Variants in PSEN1 observed in about 807,000 individuals in gnomAD.
The protein encoded by PSEN1 is presenilin-1.
A neutral mutation model predicts 53.5 loss-of-function variants in PSEN1; 15 were observed. The observed-to-expected ratio is 0.28, with a 90% confidence interval of 0.19 to 0.43. The LOEUF (loss-of-function observed/expected upper bound fraction) is 0.43, where lower values mean the gene tolerates loss of function less well. Ranked by LOEUF, PSEN1 falls within the 20% of genes least tolerant of loss-of-function variation. The pLI is 1.00. For synonymous variants in PSEN1, 208 were observed against 209.8 expected (o/e 0.99, Z 0.08); for missense variants, 387 against 571.2 (o/e 0.68, Z 3.29).
intron 1 of PSEN1, among the ~76,000 whole-genome samples, chr14:73,146,296 C>T (rs554921039): frequency 1.3e-5 from 2 of 151,862 alleles, no homozygotes; most frequent in East Asian, 3.9e-4. Context: ...CAAGCCATCC[C>T]CCCACCTCAG....
chr14:73,141,310 G>C (rs1896918305), intron 1 of PSEN1, among the ~76,000 whole-genome samples: 1 of 150,808 alleles, frequency 6.6e-6, no homozygotes, highest in Non-Finnish European at 1.5e-5. Context: ...GAGTGGGATG[G>C]AAGGAGAAAA....
intron 3 of PSEN1, among the ~76,000 whole-genome samples, chr14:73,159,298 C>T (rs1449905385): frequency 6.6e-6 from 1 of 151,990 alleles, no homozygotes; most frequent in South Asian, 2.1e-4. Flanking sequence ...TCTTCTGCCT[C>T]ATTCTTCCAA....
At chr14:73,189,486 C>T (rs778850133) in intron 6 of PSEN1, among the ~76,000 whole-genome samples, 3 of 152,046 alleles carry the variant, frequency 2.0e-5, no homozygotes, top group Admixed American at 6.5e-5. Context: ...GTGGTGGGTG[C>T]CTGTAATTCC....
chr14:73,148,522 T>C (rs943473183), intron 3 of PSEN1, among the ~76,000 whole-genome samples: 1 of 152,168 alleles, frequency 6.6e-6, no homozygotes, highest in Non-Finnish European at 1.5e-5. Flanking sequence ...GTTCTAAGGG[T>C]TCAAAGGAGG....
At chr14:73,138,544 A>T (rs186116398) in intron 1 of PSEN1, among the ~76,000 whole-genome samples, 103 of 151,496 alleles carry the variant, frequency 6.8e-4, no homozygotes, top group Middle Eastern at 6.8e-3. Flanking sequence ...TAGAGATGGG[A>T]GCCTCACTAT....
chr14:73,217,389 TTAG>T (rs1181409668), intron 11 of PSEN1, 145 bp downstream of exon 11: 27 of 875,220 alleles, frequency 3.1e-5, no homozygotes, highest in Non-Finnish European at 4.8e-5. Flanking sequence ...GGACCTCACC[TTAG>T]TAGTTCTCTA....
At chr14:73,215,863 T>C (rs902910384) in intron 10 of PSEN1, among the ~76,000 whole-genome samples, 1 of 152,184 alleles carries the variant, frequency 6.6e-6, no homozygotes, top group Non-Finnish European at 1.5e-5. Flanking sequence ...TTCAGACTGG[T>C]ACAGCCAGTG....
intron 4 of PSEN1, among the ~76,000 whole-genome samples, chr14:73,171,839 G>T (rs745966144): frequency 1.3e-5 from 2 of 152,164 alleles, no homozygotes; most frequent in Non-Finnish European, 2.9e-5. Context: ...TTGAAATTTA[G>T]AACTCACATC....
At chr14:73,148,568 A>G (rs1052984089) in intron 3 of PSEN1, among the ~76,000 whole-genome samples, 7 of 152,242 alleles carry the variant, frequency 4.6e-5, no homozygotes, top group African/African-American at 1.7e-4. Flanking sequence ...GCTGTCGGAC[A>G]AAGAGATTCC....
chr14:73,142,160 A>G (rs1896949160), intron 1 of PSEN1, among the ~76,000 whole-genome samples: 1 of 152,194 alleles, frequency 6.6e-6, no homozygotes, highest in South Asian at 2.1e-4. Flanking sequence ...TTACTATTGG[A>G]TGTGATCCTT....
chr14:73,217,665 A>C (rs1343141986), intron 11 of PSEN1, among the ~76,000 whole-genome samples: 2 of 152,118 alleles, frequency 1.3e-5, no homozygotes, highest in African/African-American at 4.8e-5. Context: ...GCATTTAATG[A>C]CACAACCTGT....
At chr14:73,176,743 A>G (rs1898058394) in intron 5 of PSEN1, among the ~76,000 whole-genome samples, 1 of 152,190 alleles carries the variant, frequency 6.6e-6, no homozygotes, top group Admixed American at 6.5e-5. Context: ...TCTTTGAGGT[A>G]ACCCCTACTA....
At position 73,212,060 on chromosome 14, in the gene PSEN1, C is replaced by T. The variant is rs1240787505; in HGVS notation, c.1129+118C>T. The stretch of plus-strand genomic sequence containing the variant: ...CAGTCTAATTCTATATCACATGTAA[C>T]TTTTATTTGGATATATCAGTAATAG... On this transcript the variant is annotated intron_variant, in intron 10 of 11. Coordinates refer to ENST00000324501, the MANE Select transcript of PSEN1 (RefSeq NM_000021.4). The T allele has an allele frequency of 2.2e-5, 7 of 314,828 alleles. No homozygotes were observed. In the East Asian group the frequency reaches 4.2e-4, roughly 19 times the overall value. The allele number at this position is 314,828 out of a possible 1,614,324, so 19.5% of individuals were successfully genotyped here.
chr14:73,138,497 G>T (rs974294268), intron 1 of PSEN1, among the ~76,000 whole-genome samples: 2 of 150,034 alleles, frequency 1.3e-5, no homozygotes, highest in Non-Finnish European at 3.0e-5. Flanking sequence ...GCGATTACAG[G>T]CGTGAGCCAC....
At chr14:73,193,644 A>T (rs965529127) in intron 7 of PSEN1, among the ~76,000 whole-genome samples, 5 of 149,196 alleles carry the variant, frequency 3.4e-5, no homozygotes, top group African/African-American at 1.2e-4. Flanking sequence ...TTTCCTTTAT[A>T]TCTTACTGCA....
chr14:73,186,605 T>G (rs1008354220), intron 5 of PSEN1, among the ~76,000 whole-genome samples: 9 of 152,200 alleles, frequency 5.9e-5, no homozygotes, highest in African/African-American at 2.2e-4. Flanking sequence ...GGCGAAACCC[T>G]GTCTCTACTA....
intron 6 of PSEN1, among the ~76,000 whole-genome samples, chr14:73,187,663 T>C (rs1898566228): frequency 1.3e-5 from 2 of 152,142 alleles, no homozygotes; most frequent in Admixed American, 1.3e-4. Flanking sequence ...TGAAGAAGTT[T>C]CCACCCCACC....
chr14:73,199,378 G>A (rs1038407327), intron 8 of PSEN1, among the ~76,000 whole-genome samples: 1 of 152,184 alleles, frequency 6.6e-6, no homozygotes, highest in Non-Finnish European at 1.5e-5. Context: ...GATACTACAG[G>A]AAGTAGAGGA....
chr14:73,160,969 CTTTTTTT>C (rs552718246), intron 3 of PSEN1, among the ~76,000 whole-genome samples: 1 of 91,664 alleles, frequency 1.1e-5, no homozygotes, highest in African/African-American at 4.2e-5. Context: ...ATATGATTTG[CTTTTTTT>C]TTTTTTTTTT....
Sources: allele counts gnomAD v4.1 joint callset (sites outside exome capture counted in the v4.1 genomes callset), GRCh38; gene constraint gnomAD v4.1.1; transcripts MANE v1.5; gene names NCBI Gene and HGNC (gene_info 2026-07-23, HGNC 2026-07-21).